Variants in CNTNAP2 observed in about 807,000 individuals in gnomAD.
CNTNAP2 encodes the protein contactin associated protein 2.
Under a neutral mutation model 155.2 loss-of-function variants are expected in CNTNAP2, and 98 were observed. That is an observed-to-expected ratio of 0.63 (90% confidence interval 0.54 to 0.75). CNTNAP2 has a LOEUF of 0.75. Among genes scored for constraint, CNTNAP2 ranks in the 30% least tolerant of loss-of-function variants. The pLI, the probability that CNTNAP2 is intolerant of heterozygous loss-of-function variation, is 0.00. For missense variants in CNTNAP2, 1,727 were observed against 1,688.1 expected (o/e 1.02, Z -0.40); for synonymous variants, 651 against 631.2 (o/e 1.03, Z -0.47).
At chr7:147,550,753 C>T (rs1166297703) in intron 11 of CNTNAP2, among the ~76,000 whole-genome samples, 1 of 152,114 alleles carries the variant, frequency 6.6e-6, no homozygotes, top group African/African-American at 2.4e-5. Flanking sequence ...CTGAAACGAT[C>T]TTGTTCCCCA....
At chr7:147,422,197 T>C (rs543091104) in intron 10 of CNTNAP2, among the ~76,000 whole-genome samples, 14 of 146,692 alleles carry the variant, frequency 9.5e-5, no homozygotes, top group African/African-American at 3.6e-4. Context: ...CTATATAGTA[T>C]GTATATATAC....
chr7:146,932,510 C>G (rs1796788545), intron 3 of CNTNAP2, among the ~76,000 whole-genome samples: 1 of 152,120 alleles, frequency 6.6e-6, no homozygotes, highest in Non-Finnish European at 1.5e-5. Context: ...GGAAGCACTC[C>G]CTTTGAAAAC....
intron 1 of CNTNAP2, among the ~76,000 whole-genome samples, chr7:146,548,365 C>T (rs191142748): frequency 1.4e-4 from 21 of 152,090 alleles, no homozygotes; most frequent in East Asian, 1.2e-3. Context: ...TCTGGTCTAT[C>T]GCAGATGGGC....
intron 1 of CNTNAP2, among the ~76,000 whole-genome samples, chr7:146,591,276 C>T (rs891822541): frequency 6.6e-6 from 1 of 152,036 alleles, no homozygotes. Flanking sequence ...CACTTTTTGT[C>T]CCAAGCATTT....
intron 1 of CNTNAP2, among the ~76,000 whole-genome samples, chr7:146,649,799 T>G (rs1453231912): frequency 1.3e-5 from 2 of 152,118 alleles, no homozygotes; most frequent in East Asian, 3.8e-4. Context: ...TCTTGGGATA[T>G]TCCTATTTAT....
intron 1 of CNTNAP2, among the ~76,000 whole-genome samples, chr7:146,437,347 T>C (rs775808096): frequency 6.6e-6 from 1 of 151,484 alleles, no homozygotes; most frequent in Non-Finnish European, 1.5e-5. Flanking sequence ...TTCAAAGATA[T>C]AAGCATAGCT....
At chr7:146,499,044 G>A (rs117742915) in intron 1 of CNTNAP2, among the ~76,000 whole-genome samples, 3,497 of 152,264 alleles carry the variant, frequency 0.023, 52 homozygotes, top group Middle Eastern at 0.051. Context: ...CCTGTTGGCT[G>A]TGACTTCTTC....
intron 13 of CNTNAP2, among the ~76,000 whole-genome samples, chr7:147,678,878 G>C (rs113775741): frequency 0.011 from 1,635 of 151,924 alleles, 26 homozygotes; most frequent in African/African-American, 0.037. Flanking sequence ...TTAGAGATGT[G>C]TTGAATGATC....
At chr7:147,330,231 G>A (rs532738596) in intron 9 of CNTNAP2, among the ~76,000 whole-genome samples, 8 of 152,246 alleles carry the variant, frequency 5.3e-5, no homozygotes, top group African/African-American at 1.9e-4. Context: ...AAGCTTCTGA[G>A]TTGATGAACA....
intron 1 of CNTNAP2, among the ~76,000 whole-genome samples, chr7:146,406,453 G>T (rs758460891): frequency 1.8e-4 from 27 of 152,292 alleles, no homozygotes; most frequent in Admixed American, 3.9e-4. Context: ...TTCTTTCTAG[G>T]ACAGTTACAG....
chr7:146,934,014 C>T (rs202042228), intron 3 of CNTNAP2, among the ~76,000 whole-genome samples: 1 of 152,042 alleles, frequency 6.6e-6, no homozygotes, highest in Non-Finnish European at 1.5e-5. Flanking sequence ...TAGTTCAACC[C>T]TTGTGGAAGT....
At chr7:147,077,324 A>T (rs1800017639) in intron 4 of CNTNAP2, among the ~76,000 whole-genome samples, 1 of 152,062 alleles carries the variant, frequency 6.6e-6, no homozygotes, top group South Asian at 2.1e-4. Flanking sequence ...TCTCTTTGGT[A>T]TCTGGAGAAA....
At chr7:148,222,134 C>T (rs1795757720) in intron 19 of CNTNAP2, among the ~76,000 whole-genome samples, 1 of 152,190 alleles carries the variant, frequency 6.6e-6, no homozygotes, top group Non-Finnish European at 1.5e-5. Context: ...CTGGGAAATT[C>T]TCTCCCAATC....
At chr7:148,403,974 G>A (rs1286953358) in intron 22 of CNTNAP2, among the ~76,000 whole-genome samples, 7 of 152,214 alleles carry the variant, frequency 4.6e-5, no homozygotes, top group African/African-American at 1.7e-4. Context: ...CAGCGGACTA[G>A]GAGTCACTAA....
intron 2 of CNTNAP2, among the ~76,000 whole-genome samples, chr7:146,776,648 T>C (rs888802084): frequency 1.3e-5 from 2 of 152,236 alleles, no homozygotes; most frequent in Non-Finnish European, 2.9e-5. Context: ...TACCAGATGC[T>C]GAAACTTTAG....
chr7:147,399,276 C>T (rs1429128725), intron 10 of CNTNAP2, among the ~76,000 whole-genome samples: 1 of 152,114 alleles, frequency 6.6e-6, no homozygotes, highest in Non-Finnish European at 1.5e-5. Flanking sequence ...AATAGAGCAA[C>T]ATGATGTACT....
intron 8 of CNTNAP2, among the ~76,000 whole-genome samples, chr7:147,255,519 G>A (rs1804301974): frequency 6.6e-6 from 1 of 152,020 alleles, no homozygotes; most frequent in South Asian, 2.1e-4. Context: ...ACCATGCCCG[G>A]CCAAATATTA....
intron 21 of CNTNAP2, among the ~76,000 whole-genome samples, chr7:148,323,355 T>A (rs115553658): frequency 0.014 from 2,000 of 147,970 alleles, 48 homozygotes; most frequent in African/African-American, 0.047. Context: ...CTTTTTTTTT[T>A]ATACTTAAAG....
At chr7:147,534,929 C>T (rs1290325909) in intron 11 of CNTNAP2, among the ~76,000 whole-genome samples, 2 of 152,052 alleles carry the variant, frequency 1.3e-5, no homozygotes, top group Non-Finnish European at 2.9e-5. Context: ...GTGGCACCAG[C>T]AGTTTGGAGA....
Sources: gnomAD v4.1 joint callset for allele counts (sites outside exome capture counted in the v4.1 genomes callset) on GRCh38, gnomAD v4.1.1 for gene constraint, MANE v1.5 for transcripts, NCBI Gene and HGNC (gene_info 2026-07-23, HGNC 2026-07-21) for gene names.